LRP1B: variants seen among roughly 807,000 people sequenced by gnomAD.
The protein encoded by LRP1B is LDL receptor related protein 1B.
Under a neutral mutation model 556.6 loss-of-function variants are expected in LRP1B, and 217 were observed. The ratio of observed to expected loss-of-function variants is 0.39; its 90% CI spans 0.35 to 0.44. The LOEUF is 0.44. Among genes scored for constraint, LRP1B ranks in the 20% least tolerant of loss-of-function variants. The probability of loss-of-function intolerance (pLI) is 1.00; values close to 1 mark genes in which losing one functional copy is unlikely to be tolerated. For synonymous variants in LRP1B, 2,047 were observed against 1,865.8 expected (o/e 1.10, Z -2.50); for missense variants, 5,053 against 5,620.8 (o/e 0.90, Z 3.23).
chr2:140,406,478 TA>T (rs1684743995), intron 66 of LRP1B, among the ~76,000 whole-genome samples: 2 of 152,094 alleles, frequency 1.3e-5, no homozygotes, highest in South Asian at 4.1e-4. Flanking sequence ...CTAGGTCTAA[TA>T]AACACATTCA....
At chr2:140,984,990 C>T (rs1305076015) in intron 17 of LRP1B, among the ~76,000 whole-genome samples, 1 of 152,060 alleles carries the variant, frequency 6.6e-6, no homozygotes, top group Non-Finnish European at 1.5e-5. Context: ...CTCTTGTCTC[C>T]ATCAGATCTA....
chr2:141,049,167 T>G lies in LRP1B; in HGVS notation c.1608A>C (p.Arg536Ser). 1 of 1,613,608 alleles carries G rather than the reference T, an allele frequency of 6.2e-7. No homozygotes were observed. Among genetic ancestry groups the G allele is most frequent in the Non-Finnish European group, 8.5e-7 (1 of 1,179,694 alleles). The part of the protein sequence containing the change: ...FYGKGRPGIV[R>S]GMDLNTKIAD... ...CTATCTTGGTATTCAAGTCCATTCC[T>G]CTAACAATTCCTGGGCGTCCTTTCC... The change falls in exon 11 of 91, where the codon AGA (arginine) becomes AGC (serine). Residue 536 changes from arginine (R) to serine (S), a missense_variant. Arg to Ser is a moderately radical substitution (Grantham distance 110, BLOSUM62 -1). Around this residue, in one of 5 missense-constraint regions of LRP1B, gnomAD observed 3,619 missense variants for 3,931.9 expected, o/e 0.92. Coordinates refer to ENST00000389484, the MANE Select transcript of LRP1B (RefSeq NM_018557.3).
chr2:141,735,989 A>G (rs1476927525), intron 2 of LRP1B, among the ~76,000 whole-genome samples: 1 of 152,172 alleles, frequency 6.6e-6, no homozygotes, highest in Admixed American at 6.6e-5. Flanking sequence ...ATAGTTATAC[A>G]TGAGCTTCTT....
chr2:142,035,540 T>C (rs891000729), intron 1 of LRP1B, among the ~76,000 whole-genome samples: 16 of 151,642 alleles, frequency 1.1e-4, no homozygotes, highest in Non-Finnish European at 1.5e-5. Context: ...CACTACAGCA[T>C]GGCCTTCCTT....
At chr2:141,748,443 G>A (rs953947479) in intron 2 of LRP1B, among the ~76,000 whole-genome samples, 4 of 152,082 alleles carry the variant, frequency 2.6e-5, no homozygotes, top group East Asian at 1.9e-4. Context: ...TATAGGACAC[G>A]GATGGAAGAT....
chr2:140,947,064 C>T (rs2105294715), intron 20 of LRP1B, among the ~76,000 whole-genome samples: 1 of 152,252 alleles, frequency 6.6e-6, no homozygotes, highest in African/African-American at 2.4e-5. Context: ...CTATTGGGTG[C>T]TATGTTCACT....
chr2:141,294,798 T>C (rs1399891538), intron 3 of LRP1B, among the ~76,000 whole-genome samples: 1 of 151,784 alleles, frequency 6.6e-6, no homozygotes, highest in East Asian at 1.9e-4. Flanking sequence ...TGAAAATATA[T>C]TATGCTATTT....
intron 3 of LRP1B, among the ~76,000 whole-genome samples, chr2:141,443,532 G>A (rs1681065267): frequency 1.3e-5 from 2 of 152,226 alleles, no homozygotes; most frequent in South Asian, 2.1e-4. Context: ...GTATTGCCTA[G>A]GTTGTCTTCT....
intron 1 of LRP1B, among the ~76,000 whole-genome samples, chr2:141,980,069 C>T (rs1415331898): frequency 6.6e-6 from 1 of 152,082 alleles, no homozygotes; most frequent in Non-Finnish European, 1.5e-5. Context: ...TCCTAAATTA[C>T]TCTTTCTCTA....
At chr2:141,088,172 C>T (rs1700092155) in intron 7 of LRP1B, among the ~76,000 whole-genome samples, 1 of 151,940 alleles carries the variant, frequency 6.6e-6, no homozygotes, top group African/African-American at 2.4e-5. Flanking sequence ...CAATAGAAAT[C>T]CTAATATAAT....
At chr2:141,148,854 C>A (rs1022862491) in intron 7 of LRP1B, among the ~76,000 whole-genome samples, 1 of 152,094 alleles carries the variant, frequency 6.6e-6, no homozygotes, top group African/African-American at 2.4e-5. Flanking sequence ...GAGGCCGAGG[C>A]AGGCGGATCA....
At chr2:140,517,955 C>T (rs938270994) in intron 49 of LRP1B, among the ~76,000 whole-genome samples, 6 of 151,908 alleles carry the variant, frequency 3.9e-5, no homozygotes, top group Admixed American at 3.9e-4. Flanking sequence ...ATGATCCTCC[C>T]GCCTCGGCCT....
rs531708652 is a variant in LRP1B at position 141,951,216 on chromosome 2, G to A, written c.83-140815C>T. ...CTATTTTTTATTTCAATAGTTTTGG[G>A]GGTACATATGATTTTTGGTTACATA... On this transcript the variant is annotated intron_variant, in intron 1 of 90. Coordinates refer to ENST00000389484, the MANE Select transcript of LRP1B (RefSeq NM_018557.3). 1.6e-4 allele frequency among the ~76,000 whole-genome samples: 25 copies of A among 151,758 alleles called. No homozygotes were observed. In the South Asian group the frequency reaches 5.2e-3, roughly 32 times the overall value.
intron 41 of LRP1B, among the ~76,000 whole-genome samples, chr2:140,625,183 A>G (rs908622733): frequency 6.6e-6 from 1 of 152,228 alleles, no homozygotes; most frequent in African/African-American, 2.4e-5. Context: ...TCAACTGGAA[A>G]GGTACTCAAA....
At chr2:140,653,878 A>G (rs1684774973) in intron 41 of LRP1B, among the ~76,000 whole-genome samples, 1 of 151,548 alleles carries the variant, frequency 6.6e-6, no homozygotes, top group Non-Finnish European at 1.5e-5. Context: ...CACAAAAATC[A>G]GCTGAAGGTG....
intron 60 of LRP1B, among the ~76,000 whole-genome samples, chr2:140,464,352 G>A (rs1439176491): frequency 1.3e-5 from 2 of 151,908 alleles, no homozygotes. Context: ...CAAATAATAT[G>A]TACTCTCCAT....
At chr2:141,783,487 C>T (rs147859845) in intron 2 of LRP1B, among the ~76,000 whole-genome samples, 128 of 152,138 alleles carry the variant, frequency 8.4e-4, no homozygotes, top group African/African-American at 3.0e-3. Flanking sequence ...ACAAGTTTCA[C>T]ATGCTGAATC....
In LRP1B at chr2:141,150,385, A is replaced by G. The variant is rs192189721; in HGVS notation, c.1013+38036T>C. ...GAGCAGGTTTCTGCTGTATTTCCTC[A>G]GATCACAAAACTTTCTCTATATTTT... is the stretch of plus-strand genomic sequence containing the variant. On this transcript the variant is annotated intron_variant, in intron 7 of 90. Transcript: ENST00000389484. 1.8e-4 allele frequency among the ~76,000 whole-genome samples: 27 copies of G among 152,322 alleles called. No individual in the cohort carries two copies. In the East Asian group the frequency reaches 4.2e-3, roughly 24 times the overall value.
rs2105116699 is a variant in LRP1B at position 140,351,006 on chromosome 2, C to A, written c.11683G>T (p.Asp3895Tyr). Residue 3895 changes from aspartate (D) to tyrosine (Y), a missense_variant, in exon 77 of 91, where the codon GAC becomes TAC. Physicochemically the swap from Asp to Tyr is radical, Grantham distance 160. Around this residue, in one of 5 missense-constraint regions of LRP1B, gnomAD observed 599 missense variants for 648.4 expected, o/e 0.92. Transcript: ENST00000389484. The stretch of plus-strand genomic sequence containing the variant: ...TATATAAAACCCAGGATATCAGTGT[C>A]ATTAGCAATGTAGAGAACTTGATCT... Reference protein sequence around the residue: ...SEDQVLYIANDTDILGFIYPF... With the variant: ...SEDQVLYIANYTDILGFIYPF... 2 of 1,598,552 alleles carry A rather than the reference C, an allele frequency of 1.3e-6. No homozygotes were observed. Among genetic ancestry groups the A allele is most frequent in the South Asian group, 2.2e-5 (2 of 90,066 alleles).
Sources: allele counts gnomAD v4.1 joint callset (sites outside exome capture counted in the v4.1 genomes callset), GRCh38; gene constraint gnomAD v4.1.1; regional missense constraint gnomAD v4.1.1; transcripts MANE v1.5; gene names NCBI Gene and HGNC (gene_info 2026-07-23, HGNC 2026-07-21).